The following XPO1 variants were observed in gnomAD, a reference collection of about 807,000 sequenced individuals.
XPO1 encodes the protein exportin-1.
XPO1 carries 5 observed loss-of-function variants against 133.3 expected under a neutral mutation model. That is an observed-to-expected ratio of 0.04 (90% CI 0.02 to 0.08). The LOEUF (loss-of-function observed/expected upper bound fraction) is 0.08, where lower values mean the gene tolerates loss of function less well. Among genes scored for constraint, XPO1 ranks in the 10% least tolerant of loss-of-function variants. The pLI, the probability that XPO1 is intolerant of heterozygous loss-of-function variation, is 1.00. For synonymous variants in XPO1, 419 were observed against 408.2 expected (o/e 1.03, Z -0.32); for missense variants, 506 against 1,267.5 (o/e 0.40, Z 9.12).
intron 2 of XPO1, among the ~76,000 whole-genome samples, chr2:61,532,051 G>C (rs1253523066): frequency 6.6e-6 from 1 of 152,148 alleles, no homozygotes; most frequent in Admixed American, 6.5e-5. Context: ...TACTATAAAA[G>C]ATAGTACTGT....
At position 61,478,812 on chromosome 2, in the gene XPO1, T is replaced by C. The variant is rs751248877; in HGVS notation, c.*8A>G. 2.5e-6 allele frequency: 4 copies of C among 1,612,562 alleles called. No homozygotes were observed. The highest frequency in any genetic ancestry group is 2.2e-5 in the East Asian group (1 of 44,844). On this transcript the variant is annotated 3_prime_UTR_variant, in exon 25 of 25. Transcript: ENST00000401558. ...TTGCAGAGAAAAAAAACAGCATGAATTTGGATTTTAATCACACATTTCTTC... is the reference window on the plus strand; with the variant it reads ...TTGCAGAGAAAAAAAACAGCATGAACTTGGATTTTAATCACACATTTCTTC...
At chr2:61,497,716 G>A (rs1697310765) in intron 9 of XPO1, among the ~76,000 whole-genome samples, 1 of 152,120 alleles carries the variant, frequency 6.6e-6, no homozygotes, top group Non-Finnish European at 1.5e-5. Flanking sequence ...TTCTATTGTT[G>A]AGAAGATAAA....
chr2:61,522,269 C>T (rs1698731029), intron 4 of XPO1, among the ~76,000 whole-genome samples: 1 of 152,072 alleles, frequency 6.6e-6, no homozygotes, highest in Non-Finnish European at 1.5e-5. Context: ...ACTGCCTAGG[C>T]TGGTATAGAA....
intron 19 of XPO1, among the ~76,000 whole-genome samples, chr2:61,486,421 A>G (rs1558632297): frequency 6.6e-6 from 1 of 151,868 alleles, no homozygotes; most frequent in African/African-American, 2.4e-5. Context: ...TTCTACGTAT[A>G]CTGTATATGT....
intron 4 of XPO1, among the ~76,000 whole-genome samples, chr2:61,509,146 T>C (rs940137731): frequency 3.3e-5 from 5 of 150,618 alleles, no homozygotes; most frequent in Non-Finnish European, 5.9e-5. Flanking sequence ...GGATTACAGG[T>C]GCCCGTCACC....
intron 6 of XPO1, among the ~76,000 whole-genome samples, chr2:61,501,042 C>T (rs1313548875): frequency 6.6e-6 from 1 of 152,096 alleles, no homozygotes; most frequent in Non-Finnish European, 1.5e-5. Context: ...ATGGCACACA[C>T]AAGGGATTTT....
intron 19 of XPO1, among the ~76,000 whole-genome samples, chr2:61,486,446 C>T (rs1187366282): frequency 4.6e-5 from 6 of 131,388 alleles, no homozygotes; most frequent in Non-Finnish European, 9.9e-5. Context: ...TGGCAGCAAG[C>T]GAGCCCTCAA....
rs1698519799 is a variant in XPO1, at chr2:61,518,464, A to AC, written c.301+4146_301+4147insG. On this transcript the variant is annotated intron_variant, in intron 4 of 24. Coordinates refer to ENST00000401558, the MANE Select transcript of XPO1 (RefSeq NM_003400.4). Reference sequence around the variant, plus strand: ...CACACACACACACACACACACACACAAAGTTAGCCGGGCGTGGTGGCAGGC... The same window carrying AC: ...CACACACACACACACACACACACACACAAGTTAGCCGGGCGTGGTGGCAGGC... Among the ~76,000 whole-genome samples the AC allele has an allele frequency of 1.1e-4, 16 of 144,626 alleles. 1 individual carries two copies. In the South Asian group the frequency reaches 2.5e-3, roughly 22 times the overall value. The allele number at this position is 144,626 out of a possible 152,430, so 94.9% of individuals were successfully genotyped here.
chr2:61,491,669 G>C (rs12466605), intron 16 of XPO1, among the ~76,000 whole-genome samples: 1 of 152,122 alleles, frequency 6.6e-6, no homozygotes, highest in Non-Finnish European at 1.5e-5. Flanking sequence ...TGAGGCAAGC[G>C]TATCGCTTGA....
chr2:61,515,069 TAA>T (rs10638897), intron 4 of XPO1, among the ~76,000 whole-genome samples: 25 of 127,374 alleles, frequency 2.0e-4, no homozygotes, highest in South Asian at 5.2e-4. Flanking sequence ...GTGACTGTCT[TAA>T]AAAAAAAAAA....
chr2:61,529,376 G>C (rs571714973), intron 2 of XPO1, among the ~76,000 whole-genome samples: 1 of 152,052 alleles, frequency 6.6e-6, no homozygotes, highest in South Asian at 2.1e-4. Flanking sequence ...TCGTATGCTC[G>C]GGTGGGCACC....
chr2:61,514,890 T>C (rs1028772988), intron 4 of XPO1, among the ~76,000 whole-genome samples: 1 of 151,704 alleles, frequency 6.6e-6, no homozygotes, highest in Admixed American at 6.6e-5. Context: ...GCCAGGCCAA[T>C]ATGGCGAAAC....
intron 24 of XPO1, 38 bp from the exon 25 acceptor site, chr2:61,479,004 C>T (rs1309611143): frequency 6.3e-7 from 1 of 1,589,284 alleles, no homozygotes; most frequent in Non-Finnish European, 8.6e-7. Flanking sequence ...ACGCAATAAA[C>T]TTCAACTTGC....
intron 11 of XPO1, 181 bp from the exon 12 acceptor site, chr2:61,494,272 T>G: frequency 7.2e-6 from 4 of 551,944 alleles, no homozygotes; most frequent in Non-Finnish European, 1.3e-5. Context: ...TGACATGCCC[T>G]AAAGCACTTC....
intron 19 of XPO1, among the ~76,000 whole-genome samples, chr2:61,487,170 G>A (rs1039981020): frequency 2.0e-5 from 3 of 151,956 alleles, no homozygotes; most frequent in African/African-American, 2.4e-5. Flanking sequence ...ATGAGCCACC[G>A]TGAAAAGCCA....
chr2:61,510,930 C>G (rs1275264663), intron 4 of XPO1, among the ~76,000 whole-genome samples: 1 of 139,004 alleles, frequency 7.2e-6, no homozygotes, highest in African/African-American at 2.7e-5. Context: ...AGCGTGAGAC[C>G]TTATCTCAAA....
intron 3 of XPO1, chr2:61,526,193 C>A: frequency 7.5e-7 from 1 of 1,325,422 alleles, no homozygotes; most frequent in Non-Finnish European, 9.6e-7. Flanking sequence ...CAAAATCAGA[C>A]AACCAAAAAA....
intron 3 of XPO1, among the ~76,000 whole-genome samples, chr2:61,523,391 AAC>A (rs1369959359): frequency 6.6e-6 from 1 of 152,260 alleles, no homozygotes; most frequent in African/African-American, 2.4e-5. Context: ...AAAATTAAAA[AAC>A]AGAGATACCA....
intron 4 of XPO1, among the ~76,000 whole-genome samples, chr2:61,508,701 A>C (rs1697942942): frequency 6.6e-6 from 1 of 152,214 alleles, no homozygotes; most frequent in Non-Finnish European, 1.5e-5. Flanking sequence ...AATTCACTAA[A>C]ACTCTTTAAA....
Sources: gnomAD v4.1 joint callset for allele counts (sites outside exome capture counted in the v4.1 genomes callset) on GRCh38, gnomAD v4.1.1 for gene constraint, MANE v1.5 for transcripts, NCBI Gene and HGNC (gene_info 2026-07-23, HGNC 2026-07-21) for gene names.